ALG6: variants seen among roughly 807,000 people sequenced by gnomAD.
ALG6 encodes dolichyl pyrophosphate Man9GlcNAc2 alpha-1,3-glucosyltransferase.
In ALG6, 46 loss-of-function variants were observed where a neutral mutation model predicts 66.6. The observed-to-expected ratio is 0.69, with a 90% CI of 0.55 to 0.88. ALG6 has a LOEUF of 0.88. ALG6 is among the 40% of genes least tolerant of loss of function. ALG6 has a pLI of 0.00. For synonymous variants in ALG6, 185 were observed against 203.7 expected, an observed-to-expected ratio of 0.91 and a Z score of 0.78; for missense variants, 505 against 586.8, an observed-to-expected ratio of 0.86 and a Z score of 1.44.
chr1:63,381,702 T>C (rs190363385), intron 2 of ALG6, among the ~76,000 whole-genome samples: 30 of 152,120 alleles, frequency 2.0e-4, no homozygotes, highest in Admixed American at 1.4e-3. Context: ...GATTCCATTA[T>C]AGAACTCAAC....
At position 63,437,181 on chromosome 1, in the gene ALG6, T is replaced by C. The variant is rs1345072920; in HGVS notation, c.*161T>C. 1.1e-5 allele frequency: 7 copies of C among 664,672 alleles called. No individual in the cohort carries two copies. Among genetic ancestry groups the C allele is most frequent in the Non-Finnish European group, 1.8e-5 (7 of 396,614 alleles). 41.2% of individuals were successfully genotyped at this position (664,672 alleles called of 1,614,324 possible). ...AAAAGTCATTGTTGTCTACACAAAATAAATGTATATGGAGACCAAAGACCA... is the reference window on the plus strand; with the variant it reads ...AAAAGTCATTGTTGTCTACACAAAACAAATGTATATGGAGACCAAAGACCA... On this transcript the variant is annotated 3_prime_UTR_variant, in exon 15 of 15. Transcript: ENST00000263440.
chr1:63,406,458 T>C, intron 6 of ALG6, 59 bp downstream of exon 6: 1 of 1,402,656 alleles, frequency 7.1e-7, no homozygotes, highest in South Asian at 1.2e-5. Context: ...TTAGTCTAAC[T>C]ATTAAGTATA....
At chr1:63,382,366 T>G (rs1648345465) in intron 2 of ALG6, among the ~76,000 whole-genome samples, 1 of 151,612 alleles carries the variant, frequency 6.6e-6, no homozygotes, top group Non-Finnish European at 1.5e-5. Context: ...CACGCCCAGC[T>G]AATTTTTTGT....
In ALG6 at chr1:63,407,097, CCTTATT is replaced by C. The variant is rs1553155569; in HGVS notation, c.471_476del (p.Leu158_Ile159del). 6.2e-7 allele frequency: 1 copy of C among 1,609,284 alleles called. No individual in the cohort carries two copies. Among genetic ancestry groups the C allele is most frequent in the Non-Finnish European group, 8.5e-7 (1 of 1,176,226 alleles). The stretch of plus-strand genomic sequence containing the variant: ...CATTATGCATCTTGCTGTATCCAGG[CCTTATT>C]CTTATAGACTATGGACATTTTCAGT... On this transcript the variant is annotated inframe_deletion, in exon 7 of 15. Coordinates refer to ENST00000263440, the MANE Select transcript of ALG6 (RefSeq NM_013339.4).
Position 63,378,866 on chromosome 1 carries a change from T to TG in ALG6, c.82+7807_82+7808insG, listed in dbSNP as rs200514424. Among the ~76,000 whole-genome samples the TG allele has an allele frequency of 6.6e-3, 983 of 148,456 alleles. 9 individuals carry two copies. Among genetic ancestry groups the TG allele is most frequent in the African/African-American group, 0.023 (917 of 40,426 alleles). On this transcript the variant is annotated intron_variant, in intron 2 of 14. Coordinates refer to ENST00000263440, the MANE Select transcript of ALG6 (RefSeq NM_013339.4). ...TTTTAGCTGTGCTTAATTTGTTTGT[T>TG]TTTTTTTTTTAACTCCCCATTGAAT...
At chr1:63,412,113 CT>C in intron 9 of ALG6, 52 bp downstream of exon 9, 3 of 1,612,020 alleles carry the variant, frequency 1.9e-6, no homozygotes, top group Non-Finnish European at 2.5e-6. Flanking sequence ...TACCTGTGAC[CT>C]TTAGGGGTTT....
intron 2 of ALG6, among the ~76,000 whole-genome samples, chr1:63,378,238 G>A (rs954062079): frequency 1.3e-5 from 2 of 152,060 alleles, no homozygotes; most frequent in Admixed American, 1.3e-4. Flanking sequence ...GTTTTGCTGG[G>A]TATGGAATTG....
At chr1:63,384,365 C>T (rs548672413) in intron 2 of ALG6, among the ~76,000 whole-genome samples, 1 of 152,040 alleles carries the variant, frequency 6.6e-6, no homozygotes, top group African/African-American at 2.4e-5. Flanking sequence ...TATTGAGTTG[C>T]TTGAATTCCT....
chr1:63,367,930 CG>C (rs1647779206), intron 1 of ALG6, among the ~76,000 whole-genome samples: 1 of 152,134 alleles, frequency 6.6e-6, no homozygotes, highest in Admixed American at 6.5e-5. Flanking sequence ...CTTGTCCTTG[CG>C]GTTCTGAGGG....
At chr1:63,408,151 G>C (rs374282366) in intron 7 of ALG6, among the ~76,000 whole-genome samples, 1 of 152,062 alleles carries the variant, frequency 6.6e-6, no homozygotes, top group Non-Finnish European at 1.5e-5. Context: ...AACTACCCTT[G>C]TACACCTCCC....
intron 2 of ALG6, among the ~76,000 whole-genome samples, chr1:63,393,449 T>C (rs1317725443): frequency 6.6e-6 from 1 of 152,218 alleles, no homozygotes; most frequent in Non-Finnish European, 1.5e-5. Flanking sequence ...AGAAATAGTA[T>C]AGTCATATGA....
chr1:63,415,008 G>C (rs188042518), intron 10 of ALG6, among the ~76,000 whole-genome samples: 1 of 152,300 alleles, frequency 6.6e-6, no homozygotes, highest in East Asian at 1.9e-4. Flanking sequence ...AAAATCAGCT[G>C]AGTAGGGGTT....
rs199571660 is a variant in ALG6, at chr1:63,436,929, C to A, written c.1433C>A (p.Ser478Tyr). The A allele has an allele frequency of 6.2e-7, 1 of 1,613,776 alleles. No homozygotes were observed. Among genetic ancestry groups the A allele is most frequent in the Admixed American group, 1.7e-5 (1 of 59,994 alleles). Residue 478 changes from serine to tyrosine, a missense_variant, in exon 15 of 15, where the codon TCT (serine) becomes TAT (tyrosine). Ser to Tyr is a moderately radical substitution (Grantham distance 144). Transcript: ENST00000263440. The part of the protein sequence containing the change: ...DLFSVLVCFV[S>Y]CLNFLFFLVY... ...TTTTCTGTATTGGTGTGTTTTGTAT[C>A]TTGCTTGAACTTCCTGTTCTTCTTG... is the stretch of plus-strand genomic sequence containing the variant.
chr1:63,385,830 G>A (rs1037327825), intron 2 of ALG6, among the ~76,000 whole-genome samples: 1 of 151,892 alleles, frequency 6.6e-6, no homozygotes. Flanking sequence ...GTCTGATTGC[G>A]CTAGCTAAGA....
chr1:63,411,966 T>C lies in ALG6; in HGVS notation c.721T>C (p.Ser241Pro). Residue 241 changes from serine to proline, a missense_variant, in exon 9 of 15, where the codon TCC becomes CCC. Transcript: ENST00000263440. ...LVKLACIVVA[S>P]FVLCWLPFFT... ...TAAGCTAGCTTGTATTGTTGTGGCT[T>C]CCTTCGTTCTCTGCTGGCTGCCATT... 6.2e-7 allele frequency: 1 copy of C among 1,614,148 alleles called. No homozygotes were observed.
At chr1:63,369,404 G>T (rs1647834203) in intron 1 of ALG6, among the ~76,000 whole-genome samples, 1 of 152,120 alleles carries the variant, frequency 6.6e-6, no homozygotes, top group Admixed American at 6.5e-5. Context: ...CAAGGAGGGT[G>T]GATCACCTGA....
chr1:63,403,710 A>G (rs1330374443), intron 4 of ALG6, among the ~76,000 whole-genome samples: 2 of 152,230 alleles, frequency 1.3e-5, no homozygotes, highest in East Asian at 1.9e-4. Flanking sequence ...AGCATAGCCT[A>G]TTGTTCCTAG....
chr1:63,386,961 C>T (rs1648521952), intron 2 of ALG6, among the ~76,000 whole-genome samples: 1 of 152,042 alleles, frequency 6.6e-6, no homozygotes, highest in South Asian at 2.1e-4. Context: ...TTTCATGTAT[C>T]CCATAGGTTT....
intron 3 of ALG6, among the ~76,000 whole-genome samples, chr1:63,399,019 A>G (rs1644430266): frequency 6.6e-6 from 1 of 152,192 alleles, no homozygotes; most frequent in Admixed American, 6.5e-5. Context: ...GCTATATTTC[A>G]GGTGTCAGCT....
Sources: gnomAD v4.1 joint callset for allele counts (sites outside exome capture counted in the v4.1 genomes callset) on GRCh38, gnomAD v4.1.1 for gene constraint, MANE v1.5 for transcripts, NCBI Gene and HGNC (gene_info 2026-07-23, HGNC 2026-07-21) for gene names.